Variants in NPAS3 observed in about 807,000 individuals in gnomAD.
NPAS3 encodes the protein neuronal PAS domain-containing protein 3.
Under a neutral mutation model 73.1 loss-of-function variants are expected in NPAS3, and 14 were observed. The ratio of observed to expected loss-of-function variants is 0.19; its 90% CI spans 0.13 to 0.30. NPAS3 has a LOEUF of 0.30. Among genes scored for constraint, NPAS3 ranks in the 10% least tolerant of loss-of-function variants. The pLI is 1.00. For missense variants in NPAS3, 1,096 were observed against 1,250.0 expected (o/e 0.88, Z 1.86); for synonymous variants, 620 against 541.5 (o/e 1.14, Z -2.01).
At chr14:33,193,850 C>A (rs1382706125) in intron 2 of NPAS3, among the ~76,000 whole-genome samples, 2 of 152,196 alleles carry the variant, frequency 1.3e-5, no homozygotes, top group Non-Finnish European at 2.9e-5. Context: ...ATTTGGTCAT[C>A]ATCACCTTTT....
At chr14:33,630,746 A>AGG (rs1453593802) in intron 5 of NPAS3, among the ~76,000 whole-genome samples, 1 of 152,172 alleles carries the variant, frequency 6.6e-6, no homozygotes, top group African/African-American at 2.4e-5. Flanking sequence ...AGGATGGAGA[A>AGG]GGGAGGGCTT....
At chr14:33,456,400 A>G (rs2050024887) in intron 4 of NPAS3, among the ~76,000 whole-genome samples, 1 of 152,152 alleles carries the variant, frequency 6.6e-6, no homozygotes, top group Non-Finnish European at 1.5e-5. Context: ...ATAAAACTGT[A>G]GGAATAGCAA....
At chr14:33,136,302 G>T (rs371093325) in intron 2 of NPAS3, among the ~76,000 whole-genome samples, 1 of 151,734 alleles carries the variant, frequency 6.6e-6, no homozygotes, top group Non-Finnish European at 1.5e-5. Context: ...CTCGTGATCC[G>T]CCCACCTTAG....
At chr14:33,669,889 T>C (rs560873655) in intron 5 of NPAS3, among the ~76,000 whole-genome samples, 2 of 152,224 alleles carry the variant, frequency 1.3e-5, no homozygotes, top group African/African-American at 4.8e-5. Context: ...TTTTTGTTGT[T>C]GTTTGTTTTT....
chr14:33,697,675 C>T (rs1346663374), intron 6 of NPAS3, among the ~76,000 whole-genome samples: 1 of 152,182 alleles, frequency 6.6e-6, no homozygotes. Flanking sequence ...AAGTGTGCCT[C>T]GAAGTTGTAA....
At chr14:32,979,741 T>A (rs2037824657) in intron 1 of NPAS3, among the ~76,000 whole-genome samples, 1 of 152,202 alleles carries the variant, frequency 6.6e-6, no homozygotes, top group South Asian at 2.1e-4. Context: ...CTCTTTGGTT[T>A]TGAAATTTTC....
intron 5 of NPAS3, among the ~76,000 whole-genome samples, chr14:33,627,082 A>G (rs528965449): frequency 3.9e-5 from 6 of 152,180 alleles, no homozygotes; most frequent in African/African-American, 1.4e-4. Context: ...GTGAATTTTT[A>G]TTCAGAGGGG....
intron 2 of NPAS3, among the ~76,000 whole-genome samples, chr14:33,205,434 G>A (rs1023738944): frequency 2.0e-5 from 3 of 152,052 alleles, no homozygotes; most frequent in Non-Finnish European, 2.9e-5. Context: ...GCCTAAAGTC[G>A]ACAAATTTCT....
At chr14:33,475,820 T>A (rs1242345240) in intron 4 of NPAS3, among the ~76,000 whole-genome samples, 1 of 152,100 alleles carries the variant, frequency 6.6e-6, no homozygotes, top group East Asian at 1.9e-4. Flanking sequence ...AATTTCTCAT[T>A]GTGTTACTTC....
intron 3 of NPAS3, among the ~76,000 whole-genome samples, chr14:33,332,915 C>T (rs575325744): frequency 1.2e-4 from 19 of 152,290 alleles, no homozygotes; most frequent in Non-Finnish European, 2.2e-4. Flanking sequence ...ATTGCTTTCC[C>T]TAACAATTAG....
chr14:33,436,313 TA>T (rs1171361945), intron 4 of NPAS3, among the ~76,000 whole-genome samples: 1 of 152,156 alleles, frequency 6.6e-6, no homozygotes, highest in East Asian at 1.9e-4. Context: ...AGGGCTTCAA[TA>T]GATACATGGA....
At chr14:33,155,630 C>T (rs1423028735) in intron 2 of NPAS3, among the ~76,000 whole-genome samples, 1 of 152,124 alleles carries the variant, frequency 6.6e-6, no homozygotes, top group Non-Finnish European at 1.5e-5. Context: ...AAACCAGAGC[C>T]AAGTTTCCTT....
chr14:33,609,840 A>C (rs1379194680), intron 5 of NPAS3, among the ~76,000 whole-genome samples: 1 of 152,118 alleles, frequency 6.6e-6, no homozygotes, highest in East Asian at 1.9e-4. Context: ...TCTGACTCCA[A>C]TCAGGAGTTC....
chr14:33,010,956 G>A (rs72676746), intron 1 of NPAS3, among the ~76,000 whole-genome samples: 2,027 of 142,224 alleles, frequency 0.014, 60 homozygotes, highest in African/African-American at 0.046. Flanking sequence ...AAAAAAAAAA[G>A]AAAAGAAAAA....
intron 4 of NPAS3, among the ~76,000 whole-genome samples, chr14:33,549,347 C>T (rs865850230): frequency 1.4e-4 from 21 of 152,072 alleles, no homozygotes; most frequent in African/African-American, 3.4e-4. Context: ...TCCTCCCACC[C>T]GAGTCTCCTG....
chr14:33,534,421 C>T (rs996271435), intron 4 of NPAS3, among the ~76,000 whole-genome samples: 1 of 151,984 alleles, frequency 6.6e-6, no homozygotes, highest in South Asian at 2.1e-4. Flanking sequence ...ATTTGTTGGC[C>T]AAATCCCTTG....
intron 5 of NPAS3, among the ~76,000 whole-genome samples, chr14:33,641,855 T>C (rs1162346531): frequency 6.6e-6 from 1 of 152,170 alleles, no homozygotes; most frequent in Non-Finnish European, 1.5e-5. Flanking sequence ...TCAAATTGAA[T>C]TGGTGGAGGA....
intron 3 of NPAS3, among the ~76,000 whole-genome samples, chr14:33,257,682 C>G (rs2048827625): frequency 6.6e-6 from 1 of 152,270 alleles, no homozygotes; most frequent in East Asian, 1.9e-4. Flanking sequence ...TGCATTACCA[C>G]TGAATGTGAC....
At chr14:33,771,185 AC>A (rs1225650222) in intron 7 of NPAS3, among the ~76,000 whole-genome samples, 1 of 152,190 alleles carries the variant, frequency 6.6e-6, no homozygotes, top group Non-Finnish European at 1.5e-5. Flanking sequence ...TTTGAACATA[AC>A]CTGTCACCTG....
Sources: allele counts gnomAD v4.1 joint callset (sites outside exome capture counted in the v4.1 genomes callset), GRCh38; gene constraint gnomAD v4.1.1; transcripts MANE v1.5; gene names NCBI Gene and HGNC (gene_info 2026-07-23, HGNC 2026-07-21).